The following RSRC1 variants were observed in gnomAD, a reference collection of about 807,000 sequenced individuals.
The protein encoded by RSRC1 is serine/Arginine-related protein 53.
A neutral mutation model predicts 49.1 loss-of-function variants in RSRC1; 39 were observed. That is an observed-to-expected ratio of 0.79 (90% CI 0.61 to 1.04). The LOEUF (loss-of-function observed/expected upper bound fraction) is 1.04, where lower values mean the gene tolerates loss of function less well. RSRC1 is among the 50% of genes least tolerant of loss of function. RSRC1 has a pLI of 0.00. For missense variants in RSRC1, 388 were observed against 402.4 expected (o/e 0.96, Z 0.31); for synonymous variants, 143 against 130.8 (o/e 1.09, Z -0.63).
At chr3:158,314,168 G>A (rs1272747997) in intron 5 of RSRC1, among the ~76,000 whole-genome samples, 4 of 152,088 alleles carry the variant, frequency 2.6e-5, no homozygotes, top group Admixed American at 1.3e-4. Context: ...TCAGCTCACC[G>A]CAATCTCTGC....
chr3:158,231,715 G>A (rs774663148), intron 4 of RSRC1, among the ~76,000 whole-genome samples: 7 of 152,084 alleles, frequency 4.6e-5, no homozygotes, highest in Non-Finnish European at 8.8e-5. Flanking sequence ...TTTCTTTTGA[G>A]TCAGAGTATT....
chr3:158,359,968 G>C (rs1162753527), intron 6 of RSRC1, among the ~76,000 whole-genome samples: 1 of 152,100 alleles, frequency 6.6e-6, no homozygotes, highest in Non-Finnish European at 1.5e-5. Flanking sequence ...TCTTAACAGA[G>C]AGTAGCTCCT....
intron 4 of RSRC1, among the ~76,000 whole-genome samples, chr3:158,213,374 A>G (rs1408131810): frequency 2.0e-5 from 3 of 151,914 alleles, no homozygotes; most frequent in Admixed American, 6.6e-5. Context: ...TAATAAAAGA[A>G]AATCTCCAAA....
chr3:158,194,539 C>A (rs1255471202), intron 3 of RSRC1, among the ~76,000 whole-genome samples: 1 of 145,600 alleles, frequency 6.9e-6, no homozygotes, highest in Non-Finnish European at 1.5e-5. Flanking sequence ...GGTATATGTG[C>A]ACAACGTGCA....
At chr3:158,285,566 A>G (rs968148537) in intron 4 of RSRC1, among the ~76,000 whole-genome samples, 2 of 151,972 alleles carry the variant, frequency 1.3e-5, no homozygotes, top group African/African-American at 2.4e-5. Flanking sequence ...CTTTTATTTC[A>G]TTGAGCAGTG....
At chr3:158,333,220 G>T (rs1156810122) in intron 5 of RSRC1, among the ~76,000 whole-genome samples, 1 of 151,930 alleles carries the variant, frequency 6.6e-6, no homozygotes, top group East Asian at 1.9e-4. Flanking sequence ...TGCCCACCTT[G>T]GCCTCCCAAA....
chr3:158,232,895 TA>T (rs1023774664), intron 4 of RSRC1, among the ~76,000 whole-genome samples: 2 of 152,164 alleles, frequency 1.3e-5, no homozygotes, highest in South Asian at 2.1e-4. Flanking sequence ...CCCATGAAGA[TA>T]TTTTAAATGT....
At chr3:158,160,558 C>T (rs1718156625) in intron 3 of RSRC1, among the ~76,000 whole-genome samples, 2 of 152,044 alleles carry the variant, frequency 1.3e-5, no homozygotes, top group South Asian at 4.2e-4. Context: ...AGATTTATAC[C>T]AGGAAGGAGA....
At chr3:158,497,352 T>C (rs11719037) in intron 7 of RSRC1, among the ~76,000 whole-genome samples, 78,288 of 151,170 alleles carry the variant, frequency 0.52, 20,737 homozygotes, top group African/African-American at 0.63. Context: ...ACCCATCACC[T>C]GAGCAGTATA....
intron 3 of RSRC1, among the ~76,000 whole-genome samples, chr3:158,191,441 G>C (rs916225772): frequency 5.3e-5 from 8 of 152,022 alleles, no homozygotes; most frequent in Non-Finnish European, 1.2e-4. Context: ...TAGGGTATTT[G>C]TTTTGATTAC....
intron 4 of RSRC1, among the ~76,000 whole-genome samples, chr3:158,230,804 T>C (rs1722904210): frequency 6.6e-6 from 1 of 152,284 alleles, no homozygotes; most frequent in African/African-American, 2.4e-5. Context: ...TCTGGAATAC[T>C]TCATTATTTG....
intron 6 of RSRC1, among the ~76,000 whole-genome samples, chr3:158,423,991 C>A (rs566091735): frequency 1.6e-3 from 243 of 150,906 alleles, no homozygotes; most frequent in Middle Eastern, 3.4e-3. Flanking sequence ...ATGGGGTTTT[C>A]TAGATATACA....
rs137889382 is a variant in RSRC1, at chr3:158,326,961, G to A, written c.532-27896G>A. On this transcript the variant is annotated intron_variant, in intron 5 of 9. Coordinates refer to ENST00000611884, the MANE Select transcript of RSRC1 (RefSeq NM_001271838.2). ...GTTCTTACTGGTTTAGTCTTGGGAG[G>A]GTGTATGTGTCCAGAAATTTATCCA... is the stretch of plus-strand genomic sequence containing the variant. Among the ~76,000 whole-genome samples, 23 of 152,068 alleles carry A rather than the reference G, an allele frequency of 1.5e-4. No homozygotes were observed. The East Asian group carries it at 3.7e-3, about 24-fold the overall frequency.
intron 8 of RSRC1, among the ~76,000 whole-genome samples, chr3:158,542,388 G>A (rs910217584): frequency 2.6e-5 from 4 of 152,112 alleles, no homozygotes; most frequent in Non-Finnish European, 2.9e-5. Flanking sequence ...AAAATTAGCC[G>A]AGTGTGCATG....
At chr3:158,244,691 G>A (rs1284185848) in intron 4 of RSRC1, among the ~76,000 whole-genome samples, 1 of 152,096 alleles carries the variant, frequency 6.6e-6, no homozygotes, top group East Asian at 1.9e-4. Context: ...AATAGTTTAA[G>A]TAGGAATGGT....
chr3:158,252,764 T>G, intron 4 of RSRC1, among the ~76,000 whole-genome samples: 1 of 152,226 alleles, frequency 6.6e-6, no homozygotes, highest in East Asian at 1.9e-4. Flanking sequence ...ATCTCGTTAC[T>G]TGATACTGGT....
At chr3:158,283,491 ATT>A (rs1422330657) in intron 4 of RSRC1, among the ~76,000 whole-genome samples, 1 of 152,054 alleles carries the variant, frequency 6.6e-6, no homozygotes, top group East Asian at 1.9e-4. Context: ...ACCCTCTTAC[ATT>A]TTGTAACATG....
At chr3:158,508,851 G>T (rs1288999578) in intron 7 of RSRC1, among the ~76,000 whole-genome samples, 4 of 151,990 alleles carry the variant, frequency 2.6e-5, no homozygotes, top group African/African-American at 9.7e-5. Flanking sequence ...TGAGAGATGA[G>T]GTCTTGCTCT....
intron 4 of RSRC1, among the ~76,000 whole-genome samples, chr3:158,243,345 G>T (rs1271132015): frequency 4.6e-5 from 7 of 152,098 alleles, no homozygotes; most frequent in African/African-American, 1.7e-4. Flanking sequence ...GTTTGTCAGA[G>T]ATCAGATGGT....
Sources: allele counts gnomAD v4.1 joint callset (sites outside exome capture counted in the v4.1 genomes callset), GRCh38; gene constraint gnomAD v4.1.1; transcripts MANE v1.5; gene names NCBI Gene and HGNC (gene_info 2026-07-23, HGNC 2026-07-21).